COX7B2: variants seen among roughly 807,000 people sequenced by gnomAD.
COX7B2 encodes cytochrome c oxidase subunit 7B2, mitochondrial.
For synonymous variants in COX7B2, 37 were observed against 32.1 expected (o/e 1.15, Z -0.51); for missense variants, 109 against 95.9 (o/e 1.14, Z -0.57).
intron 2 of COX7B2, among the ~76,000 whole-genome samples, chr4:46,806,133 C>A (rs1054967172): frequency 6.6e-6 from 1 of 152,028 alleles, no homozygotes; most frequent in African/African-American, 2.4e-5. Context: ...TTGTATGTTG[C>A]ATGGATTCAC....
At chr4:46,801,544 G>T (rs927287247) in intron 2 of COX7B2, among the ~76,000 whole-genome samples, 4 of 152,062 alleles carry the variant, frequency 2.6e-5, no homozygotes, top group African/African-American at 9.7e-5. Context: ...AGAAGGGAAC[G>T]ACAGACACCA....
chr4:46,782,283 G>T (rs1452454220), intron 2 of COX7B2, among the ~76,000 whole-genome samples: 1 of 152,006 alleles, frequency 6.6e-6, no homozygotes, highest in East Asian at 1.9e-4. Flanking sequence ...TCTAGCCAGA[G>T]GATTGTAAAT....
In COX7B2 at chr4:46,735,142, G is replaced by A. The variant is rs1254130158; in HGVS notation, c.51C>T (p.Ser17=). 1 of 1,613,398 alleles carries A rather than the reference G, an allele frequency of 6.2e-7. No individual in the cohort carries two copies. Among genetic ancestry groups the A allele is most frequent in the Admixed American group, 1.7e-5 (1 of 59,734 alleles). The part of the protein sequence containing the change: ...RNALSSLKIQ[S]ILQSMARHSH... The stretch of plus-strand genomic sequence containing the variant: ...TATGTCTTGCCATGCTTTGCAGAAT[G>A]CTTTGAATCTTGAGACTGCTTAGTG... The change falls in exon 3 of 3, where the codon AGC becomes AGT. Residue 17 remains serine, a synonymous_variant. Transcript: ENST00000355591.
intron 2 of COX7B2, among the ~76,000 whole-genome samples, chr4:46,747,097 T>C (rs1715064269): frequency 6.6e-6 from 1 of 152,076 alleles, no homozygotes; most frequent in Admixed American, 6.5e-5. Context: ...ATAACATTTG[T>C]TATACAAGTA....
intron 2 of COX7B2, among the ~76,000 whole-genome samples, chr4:46,766,297 A>C (rs2109497006): frequency 6.6e-6 from 1 of 152,336 alleles, no homozygotes; most frequent in South Asian, 2.1e-4. Flanking sequence ...ATAAAAGTTA[A>C]AAAACAAAAG....
intron 1 of COX7B2, among the ~76,000 whole-genome samples, chr4:46,848,108 G>C (rs1178976295): frequency 6.6e-6 from 1 of 151,976 alleles, no homozygotes; most frequent in African/African-American, 2.4e-5. Context: ...TAGCCAAGCT[G>C]TTCACTGCTA....
intron 1 of COX7B2, among the ~76,000 whole-genome samples, chr4:46,860,925 C>A (rs933181835): frequency 6.6e-6 from 1 of 152,102 alleles, no homozygotes; most frequent in East Asian, 1.9e-4. Flanking sequence ...CCCTTAGATG[C>A]TCTGGGGATT....
At chr4:46,906,854 T>C (rs925161109) in intron 1 of COX7B2, among the ~76,000 whole-genome samples, 1 of 152,226 alleles carries the variant, frequency 6.6e-6, no homozygotes, top group African/African-American at 2.4e-5. Context: ...CTCATTCCAA[T>C]ATGCCCCTCT....
At chr4:46,835,893 C>T (rs1715484492) in intron 2 of COX7B2, among the ~76,000 whole-genome samples, 1 of 152,156 alleles carries the variant, frequency 6.6e-6, no homozygotes, top group Admixed American at 6.6e-5. Flanking sequence ...TACAAAGCTG[C>T]ACAGCAAGTT....
intron 1 of COX7B2, among the ~76,000 whole-genome samples, chr4:46,859,597 C>G (rs1717217761): frequency 6.6e-6 from 1 of 152,166 alleles, no homozygotes; most frequent in Admixed American, 6.5e-5. Flanking sequence ...ATATCTTTAT[C>G]TGAATTTCAA....
At chr4:46,793,141 G>C (rs757969460) in intron 2 of COX7B2, among the ~76,000 whole-genome samples, 2 of 152,196 alleles carry the variant, frequency 1.3e-5, no homozygotes, top group Non-Finnish European at 2.9e-5. Context: ...TTGTTTAAGG[G>C]TGAGGGGGCT....
At chr4:46,772,366 G>A (rs1716923980) in intron 2 of COX7B2, among the ~76,000 whole-genome samples, 1 of 152,124 alleles carries the variant, frequency 6.6e-6, no homozygotes, top group Non-Finnish European at 1.5e-5. Flanking sequence ...GAAATCAAAT[G>A]TGCAGCATGG....
At chr4:46,835,936 G>A (rs966131998) in intron 2 of COX7B2, among the ~76,000 whole-genome samples, 5 of 152,126 alleles carry the variant, frequency 3.3e-5, no homozygotes, top group East Asian at 1.9e-4. Context: ...ACTATAACTC[G>A]AGGGTAATGA....
chr4:46,746,152 T>A (rs1180015080), intron 2 of COX7B2, among the ~76,000 whole-genome samples: 1 of 152,166 alleles, frequency 6.6e-6, no homozygotes, highest in African/African-American at 2.4e-5. Context: ...GACCTAGAGA[T>A]CACTTTATAT....
At chr4:46,761,274 C>T (rs915254093) in intron 2 of COX7B2, among the ~76,000 whole-genome samples, 4 of 152,106 alleles carry the variant, frequency 2.6e-5, no homozygotes, top group African/African-American at 9.7e-5. Flanking sequence ...GTCAGCAGAA[C>T]CAGTAGCAGG....
At chr4:46,824,483 A>G (rs1450523251) in intron 2 of COX7B2, among the ~76,000 whole-genome samples, 1 of 152,050 alleles carries the variant, frequency 6.6e-6, no homozygotes, top group African/African-American at 2.4e-5. Flanking sequence ...TTCGTTATTC[A>G]CTAACCTGTC....
intron 2 of COX7B2, among the ~76,000 whole-genome samples, chr4:46,800,386 A>G (rs1434398664): frequency 1.3e-5 from 2 of 152,068 alleles, no homozygotes; most frequent in Non-Finnish European, 1.5e-5. Context: ...ACAGTCACCA[A>G]AACAGTATGG....
intron 2 of COX7B2, among the ~76,000 whole-genome samples, chr4:46,763,381 C>T (rs1448977165): frequency 7.3e-5 from 11 of 151,030 alleles, no homozygotes; most frequent in East Asian, 3.9e-4. Flanking sequence ...CATGGTCTTA[C>T]AGCAGGCCCA....
intron 2 of COX7B2, among the ~76,000 whole-genome samples, chr4:46,741,395 G>T (rs958407964): frequency 9.2e-5 from 14 of 151,998 alleles, no homozygotes; most frequent in Admixed American, 8.5e-4. Context: ...AACAGCAGTA[G>T]TATCCCCCAG....
Sources: allele counts gnomAD v4.1 joint callset (sites outside exome capture counted in the v4.1 genomes callset), GRCh38; gene constraint gnomAD v4.1.1; transcripts MANE v1.5; gene names NCBI Gene and HGNC (gene_info 2026-07-23, HGNC 2026-07-21).